UTS2B: variants seen among roughly 807,000 people sequenced by gnomAD.
The protein encoded by UTS2B is urotensin-2B.
In UTS2B, 21 loss-of-function variants were observed where a neutral mutation model predicts 19.2. The observed-to-expected ratio is 1.09, with a 90% confidence interval of 0.78 to 1.58. UTS2B has a LOEUF of 1.58. Ranked by LOEUF, UTS2B falls within the 40% of genes most tolerant of loss-of-function variation. The pLI is 0.00. For synonymous variants in UTS2B, 57 were observed against 50.2 expected (o/e 1.14, Z -0.58); for missense variants, 138 against 130.3 (o/e 1.06, Z -0.29).
At chr3:191,305,919 C>G (rs919589083) in intron 3 of UTS2B, among the ~76,000 whole-genome samples, 1 of 152,054 alleles carries the variant, frequency 6.6e-6, no homozygotes, top group Non-Finnish European at 1.5e-5. Flanking sequence ...TTAAATAAGA[C>G]TTTTTTCCCC....
At chr3:191,313,724 CCTT>C (rs1717367451) in intron 3 of UTS2B, among the ~76,000 whole-genome samples, 3 of 134,052 alleles carry the variant, frequency 2.2e-5, no homozygotes. Flanking sequence ...CCTCCACTTT[CCTT>C]TTTTTTTTTT....
chr3:191,283,993 T>C, intron 4 of UTS2B, among the ~76,000 whole-genome samples: 1 of 152,118 alleles, frequency 6.6e-6, no homozygotes, highest in East Asian at 1.9e-4. Flanking sequence ...AGAGAGAATA[T>C]ATAAATATGA....
intron 4 of UTS2B, among the ~76,000 whole-genome samples, chr3:191,290,328 C>T (rs990976877): frequency 1.3e-5 from 2 of 152,198 alleles, no homozygotes; most frequent in Non-Finnish European, 2.9e-5. Flanking sequence ...TTGTTATACA[C>T]ATTTATAGTA....
At chr3:191,303,261 AC>A (rs2108595820) in intron 4 of UTS2B, among the ~76,000 whole-genome samples, 1 of 151,814 alleles carries the variant, frequency 6.6e-6, no homozygotes, top group African/African-American at 2.4e-5. Flanking sequence ...CACATAATAA[AC>A]TTGTGGTATC....
At chr3:191,297,818 G>T (rs1213589828) in intron 4 of UTS2B, among the ~76,000 whole-genome samples, 1 of 152,074 alleles carries the variant, frequency 6.6e-6, no homozygotes, top group Non-Finnish European at 1.5e-5. Flanking sequence ...CTCTATTTAC[G>T]AACCAAATTA....
chr3:191,344,968 C>T, the UTS2B span, among the ~76,000 whole-genome samples: 3 of 152,202 alleles, frequency 2.0e-5, no homozygotes, highest in African/African-American at 7.2e-5. Flanking sequence ...TGCACATCCA[C>T]ATCTTCAAAA....
At chr3:191,319,115 C>T (rs1342153336) in intron 2 of UTS2B, among the ~76,000 whole-genome samples, 2 of 151,994 alleles carry the variant, frequency 1.3e-5, no homozygotes, top group African/African-American at 2.4e-5. Context: ...TCTGTATTAG[C>T]TCACAGTCCT....
At chr3:191,287,435 A>C (rs946937105) in intron 4 of UTS2B, among the ~76,000 whole-genome samples, 1 of 152,152 alleles carries the variant, frequency 6.6e-6, no homozygotes, top group Non-Finnish European at 1.5e-5. Flanking sequence ...CTAGGGATAC[A>C]AGGATGTTTT....
At chr3:191,320,014 G>A (rs1717572940) in intron 2 of UTS2B, among the ~76,000 whole-genome samples, 1 of 151,796 alleles carries the variant, frequency 6.6e-6, no homozygotes, top group South Asian at 2.1e-4. Flanking sequence ...TTCATGAGCA[G>A]CAATTATATG....
intron 4 of UTS2B, among the ~76,000 whole-genome samples, chr3:191,290,402 C>A (rs1716678871): frequency 6.6e-6 from 1 of 152,154 alleles, no homozygotes; most frequent in Non-Finnish European, 1.5e-5. Flanking sequence ...GTACTAAGCA[C>A]CTCACAAATA....
chr3:191,329,612 C>T (rs377067940), intron 1 of UTS2B: 1 of 1,553,988 alleles, frequency 6.4e-7, no homozygotes, highest in African/African-American at 1.4e-5. Context: ...CTCGGGGCCC[C>T]GCTCGGCGCC....
intron 3 of UTS2B, among the ~76,000 whole-genome samples, chr3:191,314,592 A>G (rs1248038359): frequency 6.6e-6 from 1 of 152,222 alleles, no homozygotes; most frequent in African/African-American, 2.4e-5. Context: ...ACTAATGACA[A>G]GCAGCCCCTA....
chr3:191,313,708 T>G (rs189659003), intron 3 of UTS2B, among the ~76,000 whole-genome samples: 5 of 149,890 alleles, frequency 3.3e-5, no homozygotes, highest in African/African-American at 9.8e-5. Flanking sequence ...ACTAAGACAA[T>G]GCATTCCTCC....
At chr3:191,298,339 G>A (rs1716909761) in intron 4 of UTS2B, among the ~76,000 whole-genome samples, 1 of 152,144 alleles carries the variant, frequency 6.6e-6, no homozygotes, top group South Asian at 2.1e-4. Flanking sequence ...GATTCTGGTG[G>A]GAGGTGTTTG....
Position 191,287,474 on chromosome 3 carries a change from C to T in UTS2B, c.-124-5161G>A, listed in dbSNP as rs560724301. Among the ~76,000 whole-genome samples the T allele has an allele frequency of 1.0e-3, 158 of 152,040 alleles. 1 individual carries two copies. The highest frequency in any genetic ancestry group is 3.4e-3 in the African/African-American group (143 of 41,528). On this transcript the variant is annotated intron_variant, in intron 4 of 8. Coordinates refer to ENST00000340524, the MANE Select transcript of UTS2B (RefSeq NM_198152.5). ...TACACAAATGAATAAATGTGATCCA[C>T]CGAATTAATCGAACGAAGAACAAAA...
intron 4 of UTS2B, chr3:191,294,741 A>AT: frequency 6.6e-6 from 1 of 151,338 alleles, no homozygotes; most frequent in Non-Finnish European, 1.5e-5. Context: ...AAAAAAAAAA[A>AT]ATCTTGACCA....
intron 2 of UTS2B, among the ~76,000 whole-genome samples, chr3:191,318,038 C>T (rs1011025664): frequency 2.4e-4 from 36 of 152,106 alleles, no homozygotes; most frequent in African/African-American, 8.2e-4. Flanking sequence ...AGCCCAGGTT[C>T]AACAGGAGGG....
At chr3:191,287,023 C>T (rs1421835505) in intron 4 of UTS2B, among the ~76,000 whole-genome samples, 2 of 151,854 alleles carry the variant, frequency 1.3e-5, no homozygotes, top group Non-Finnish European at 2.9e-5. Context: ...TGGATAAATT[C>T]CTAAATTCAA....
At chr3:191,333,225 A>C (rs1560152924), upstream of UTS2B, among the ~76,000 whole-genome samples, 1 of 152,212 alleles carries the variant, frequency 6.6e-6, no homozygotes, top group Non-Finnish European at 1.5e-5. Flanking sequence ...TTCTTTAGTG[A>C]AAGATACAAT....
Sources: allele counts gnomAD v4.1 joint callset (sites outside exome capture counted in the v4.1 genomes callset), GRCh38; gene constraint gnomAD v4.1.1; transcripts MANE v1.5; gene names NCBI Gene and HGNC (gene_info 2026-07-23, HGNC 2026-07-21).